EVI5: variants seen among roughly 807,000 people sequenced by gnomAD.
EVI5 encodes the protein ecotropic viral integration site 5 protein homolog.
A neutral mutation model predicts 112.0 loss-of-function variants in EVI5; 73 were observed. The ratio of observed to expected loss-of-function variants is 0.65; its 90% CI spans 0.54 to 0.79. The LOEUF (loss-of-function observed/expected upper bound fraction) is 0.79. EVI5 is among the 30% of genes least tolerant of loss of function. The pLI, the probability that EVI5 is intolerant of heterozygous loss-of-function variation, is 0.00. For synonymous variants in EVI5, 305 were observed against 319.9 expected, an observed-to-expected ratio of 0.95 and a Z score of 0.50; for missense variants, 900 against 968.8, an observed-to-expected ratio of 0.93 and a Z score of 0.94.
At chr1:92,516,009 T>TG (rs1659803813) in intron 19 of EVI5, among the ~76,000 whole-genome samples, 1 of 152,198 alleles carries the variant, frequency 6.6e-6, no homozygotes, top group African/African-American at 2.4e-5. Flanking sequence ...GATCTATACT[T>TG]GGAGTTGAAT....
At chr1:92,594,887 G>C (rs1429889832) in intron 18 of EVI5, among the ~76,000 whole-genome samples, 2 of 152,148 alleles carry the variant, frequency 1.3e-5, no homozygotes, top group African/African-American at 2.4e-5. Flanking sequence ...ACACCAGTTA[G>C]AATGGTGATC....
At chr1:92,573,474 T>G (rs947544386) in intron 18 of EVI5, among the ~76,000 whole-genome samples, 12 of 152,106 alleles carry the variant, frequency 7.9e-5, no homozygotes, top group African/African-American at 2.9e-4. Flanking sequence ...ATTTTTAGTA[T>G]AGGTTTACAT....
rs1027167438 is a variant in EVI5 at position 92,613,818 on chromosome 1, T to C, written c.1828-6091A>G. On this transcript the variant is annotated intron_variant, in intron 16 of 19. Coordinates refer to ENST00000684568, the MANE Select transcript of EVI5 (RefSeq NM_001350197.2). ...GTTGCCCAGGCTAGTCTCAAACTCC[T>C]GGCCTCAAGTGATCCTCCTGCCTGG... Among the ~76,000 whole-genome samples the C allele has an allele frequency of 2.6e-5, 4 of 152,178 alleles. No homozygotes were observed. The South Asian group carries it at 8.3e-4, about 32-fold the overall frequency.
chr1:92,662,479 G>C (rs903659864), intron 13 of EVI5, among the ~76,000 whole-genome samples: 1 of 151,930 alleles, frequency 6.6e-6, no homozygotes, highest in Non-Finnish European at 1.5e-5. Flanking sequence ...ACAGTGTAAG[G>C]AAAGAAAATA....
At chr1:92,538,687 C>T (rs1329291587) in intron 19 of EVI5, among the ~76,000 whole-genome samples, 1 of 152,096 alleles carries the variant, frequency 6.6e-6, no homozygotes. Flanking sequence ...TAAGTAAACC[C>T]ACAGGAGAAG....
At chr1:92,709,652 C>T (rs1157382966) in intron 2 of EVI5, among the ~76,000 whole-genome samples, 1 of 152,132 alleles carries the variant, frequency 6.6e-6, no homozygotes, top group Non-Finnish European at 1.5e-5. Context: ...AGAGTCGGAA[C>T]ATTTTGCAGA....
chr1:92,635,600 G>A lies in EVI5; in HGVS notation c.1527+602C>T, dbSNP rs544810895. 2.2e-4 allele frequency among the ~76,000 whole-genome samples: 34 copies of A among 152,328 alleles called. No individual in the cohort carries two copies. In the South Asian group the frequency reaches 3.9e-3, roughly 18 times the overall value. On this transcript the variant is annotated intron_variant, in intron 14 of 19. Transcript: ENST00000684568. The stretch of plus-strand genomic sequence containing the variant: ...ATCACCCCTTTCCTTGGCTAGGAAA[G>A]GGAATTTCCTGACCCCTTGCGCTTC...
At chr1:92,631,608 C>A (rs1657122952) in intron 14 of EVI5, among the ~76,000 whole-genome samples, 1 of 152,074 alleles carries the variant, frequency 6.6e-6, no homozygotes, top group Non-Finnish European at 1.5e-5. Flanking sequence ...TCTAGATATA[C>A]CATCATGTCA....
At chr1:92,561,918 G>C (rs979750581) in intron 19 of EVI5, among the ~76,000 whole-genome samples, 3 of 152,086 alleles carry the variant, frequency 2.0e-5, no homozygotes, top group Non-Finnish European at 2.9e-5. Context: ...GATTATAGGC[G>C]TGCGCCCACA....
intron 2 of EVI5, among the ~76,000 whole-genome samples, chr1:92,717,503 T>C (rs868645405): frequency 2.0e-5 from 3 of 152,154 alleles, no homozygotes; most frequent in Non-Finnish European, 4.4e-5. Context: ...CTGAGAGATT[T>C]TGTCACCACC....
chr1:92,777,842 C>T (rs191257305), intron 1 of EVI5, among the ~76,000 whole-genome samples: 10 of 151,238 alleles, frequency 6.6e-5, no homozygotes, highest in African/African-American at 2.2e-4. Flanking sequence ...GAGAATGAGA[C>T]AATAGCAACA....
chr1:92,517,456 G>T (rs1014064690), intron 19 of EVI5, among the ~76,000 whole-genome samples: 1 of 152,152 alleles, frequency 6.6e-6, no homozygotes, highest in Non-Finnish European at 1.5e-5. Context: ...AATCACCGTG[G>T]TAGACCCTCT....
At chr1:92,633,903 T>C (rs898789880) in intron 14 of EVI5, among the ~76,000 whole-genome samples, 4 of 152,210 alleles carry the variant, frequency 2.6e-5, no homozygotes, top group African/African-American at 7.2e-5. Flanking sequence ...CACCATTTGC[T>C]TGACTGAGGA....
At chr1:92,738,063 G>A (rs1194909787) in intron 1 of EVI5, among the ~76,000 whole-genome samples, 1 of 152,192 alleles carries the variant, frequency 6.6e-6, no homozygotes, top group Non-Finnish European at 1.5e-5. Flanking sequence ...AGCATGAGGT[G>A]ATCGTTTATG....
chr1:92,775,924 C>T (rs1026857107), intron 1 of EVI5, among the ~76,000 whole-genome samples: 49 of 152,022 alleles, frequency 3.2e-4, no homozygotes, highest in African/African-American at 1.0e-3. Context: ...CTGGCTAACA[C>T]GGTGAAACCC....
At chr1:92,631,802 A>G (rs983488175) in intron 14 of EVI5, among the ~76,000 whole-genome samples, 2 of 152,138 alleles carry the variant, frequency 1.3e-5, no homozygotes. Flanking sequence ...ATTCAGTATG[A>G]TATTGGCTGT....
At chr1:92,541,361 T>C (rs1220071673) in intron 19 of EVI5, among the ~76,000 whole-genome samples, 1 of 152,168 alleles carries the variant, frequency 6.6e-6, no homozygotes, top group Non-Finnish European at 1.5e-5. Flanking sequence ...GAAGAAGCTA[T>C]AAATGGCCAA....
chr1:92,728,152 G>A (rs1218092851), intron 2 of EVI5, among the ~76,000 whole-genome samples: 1 of 152,004 alleles, frequency 6.6e-6, no homozygotes, highest in Non-Finnish European at 1.5e-5. Flanking sequence ...CAAAGATAAA[G>A]AAGGTCATTT....
intron 2 of EVI5, among the ~76,000 whole-genome samples, chr1:92,733,857 C>T (rs2107521): frequency 0.9 from 136,948 of 152,214 alleles, 61,726 homozygotes; most frequent in East Asian, 0.97. Flanking sequence ...CTGTTGAGTA[C>T]TGTCAGCTGT....
Sources: allele counts gnomAD v4.1 joint callset (sites outside exome capture counted in the v4.1 genomes callset), GRCh38; gene constraint gnomAD v4.1.1; transcripts MANE v1.5; gene names NCBI Gene and HGNC (gene_info 2026-07-23, HGNC 2026-07-21).